Variants in FILIP1L observed in about 807,000 individuals in gnomAD.
FILIP1L encodes the protein filamin A interacting protein 1 like.
FILIP1L carries 55 observed loss-of-function variants against 96.6 expected under a neutral mutation model. The observed-to-expected ratio is 0.57, with a 90% confidence interval of 0.46 to 0.71. The LOEUF is 0.71. FILIP1L is among the 30% of genes least tolerant of loss of function. FILIP1L has a pLI of 0.00. For missense variants in FILIP1L, 1,304 were observed against 1,321.2 expected (o/e 0.99, Z 0.20); for synonymous variants, 467 against 473.9 (o/e 0.99, Z 0.19).
chr3:100,014,946 A>G (rs1477618492), intron 1 of FILIP1L, among the ~76,000 whole-genome samples: 3 of 86,306 alleles, frequency 3.5e-5, no homozygotes, highest in Admixed American at 3.6e-4. Context: ...TTTGGGGATC[A>G]TATCCAAAAA....
intron 1 of FILIP1L, among the ~76,000 whole-genome samples, chr3:99,983,562 T>A (rs1208851315): frequency 7.0e-6 from 1 of 142,354 alleles, no homozygotes; most frequent in Non-Finnish European, 1.5e-5. Flanking sequence ...TGGTGGCAGG[T>A]ACCTGTAATC....
intron 1 of FILIP1L, among the ~76,000 whole-genome samples, chr3:100,080,006 C>T (rs191958067): frequency 1.3e-5 from 2 of 152,132 alleles, no homozygotes; most frequent in African/African-American, 4.8e-5. Context: ...TCAAGCAACT[C>T]AGAATTCACC....
chr3:99,988,251 A>G (rs1238439216), intron 1 of FILIP1L, among the ~76,000 whole-genome samples: 1 of 150,770 alleles, frequency 6.6e-6, no homozygotes, highest in African/African-American at 2.4e-5. Flanking sequence ...TAATCCCAGC[A>G]CTTTGGGAGG....
intron 1 of FILIP1L, among the ~76,000 whole-genome samples, chr3:99,977,255 T>C (rs1708999697): frequency 1.3e-5 from 2 of 151,592 alleles, no homozygotes; most frequent in Non-Finnish European, 2.9e-5. Context: ...TGATGCCTCA[T>C]CCCAGGAGCA....
chr3:99,895,516 G>A (rs1706223003), intron 4 of FILIP1L, among the ~76,000 whole-genome samples: 2 of 152,040 alleles, frequency 1.3e-5, no homozygotes, highest in African/African-American at 4.8e-5. Flanking sequence ...AAGAGGCCAA[G>A]TTCCTGGTGG....
intron 4 of FILIP1L, among the ~76,000 whole-genome samples, chr3:99,865,368 C>A (rs968111477): frequency 3.9e-5 from 6 of 152,156 alleles, no homozygotes; most frequent in Admixed American, 1.3e-4. Context: ...TATTATATCT[C>A]ATGAGCCATC....
At chr3:100,000,337 A>G (rs1709806766) in intron 1 of FILIP1L, among the ~76,000 whole-genome samples, 1 of 152,104 alleles carries the variant, frequency 6.6e-6, no homozygotes, top group African/African-American at 2.4e-5. Context: ...TAACTTGTGT[A>G]TTTATTTGTT....
At chr3:99,865,787 T>C (rs959340157) in intron 4 of FILIP1L, among the ~76,000 whole-genome samples, 4 of 151,860 alleles carry the variant, frequency 2.6e-5, no homozygotes, top group Admixed American at 6.6e-5. Context: ...GAAATATGTG[T>C]GTATGTATTT....
chr3:99,923,208 C>G (rs575956775), intron 4 of FILIP1L, among the ~76,000 whole-genome samples: 1 of 152,250 alleles, frequency 6.6e-6, no homozygotes, highest in Admixed American at 6.5e-5. Flanking sequence ...CCAACACCCA[C>G]AGTTTCAGCT....
chr3:99,847,526 A>G (rs1028385985), intron 5 of FILIP1L, among the ~76,000 whole-genome samples: 2 of 152,128 alleles, frequency 1.3e-5, no homozygotes, highest in African/African-American at 4.8e-5. Flanking sequence ...GCTTCCTATC[A>G]CATGTCAGAG....
At chr3:100,032,453 G>A (rs2107264266) in intron 1 of FILIP1L, among the ~76,000 whole-genome samples, 1 of 152,302 alleles carries the variant, frequency 6.6e-6, no homozygotes, top group South Asian at 2.1e-4. Context: ...ATTCGGAATG[G>A]CAGCTGGTGG....
intron 1 of FILIP1L, among the ~76,000 whole-genome samples, chr3:100,006,209 C>T (rs557573450): frequency 4.3e-4 from 66 of 152,224 alleles, no homozygotes; most frequent in African/African-American, 1.5e-3. Flanking sequence ...ATTAAGATAA[C>T]CTCAGAAACT....
chr3:99,848,122 C>T, intron 5 of FILIP1L, 173 bp downstream of exon 5: 1 of 1,468,766 alleles, frequency 6.8e-7, no homozygotes, highest in South Asian at 1.5e-5. Flanking sequence ...ACTATGCAGG[C>T]AACAGTTAGT....
At chr3:99,869,952 GC>G (rs1410374088) in intron 4 of FILIP1L, among the ~76,000 whole-genome samples, 1 of 152,118 alleles carries the variant, frequency 6.6e-6, no homozygotes, top group African/African-American at 2.4e-5. Context: ...GCTCTCACAG[GC>G]CCAAGTGCTA....
chr3:99,864,871 T>C (rs1028718695), intron 4 of FILIP1L, among the ~76,000 whole-genome samples: 1 of 152,176 alleles, frequency 6.6e-6, no homozygotes, highest in African/African-American at 2.4e-5. Flanking sequence ...TCTCTCCTAC[T>C]AGAATGTAAA....
At chr3:100,049,118 A>G (rs2065327214) in intron 1 of FILIP1L, among the ~76,000 whole-genome samples, 2 of 152,254 alleles carry the variant, frequency 1.3e-5, no homozygotes, top group Non-Finnish European at 2.9e-5. Context: ...ACAATTGCAA[A>G]CAGTTCTCTT....
At chr3:100,055,471 T>A (rs1237071163) in intron 1 of FILIP1L, among the ~76,000 whole-genome samples, 1 of 152,234 alleles carries the variant, frequency 6.6e-6, no homozygotes, top group Non-Finnish European at 1.5e-5. Flanking sequence ...AAAACTGATT[T>A]GTCTCTCGTT....
At chr3:99,943,293 G>A (rs543830869) in intron 1 of FILIP1L, among the ~76,000 whole-genome samples, 6 of 152,286 alleles carry the variant, frequency 3.9e-5, no homozygotes, top group Admixed American at 1.3e-4. Context: ...TTTCCAAAAT[G>A]TGTCAGCCCT....
At chr3:99,981,387 A>G (rs1709118859) in intron 1 of FILIP1L, among the ~76,000 whole-genome samples, 1 of 152,106 alleles carries the variant, frequency 6.6e-6, no homozygotes, top group African/African-American at 2.4e-5. Context: ...TGTGGGATCC[A>G]TGTGTGTCAC....
Sources: gnomAD v4.1 joint callset for allele counts (sites outside exome capture counted in the v4.1 genomes callset) on GRCh38, gnomAD v4.1.1 for gene constraint, MANE v1.5 for transcripts, NCBI Gene and HGNC (gene_info 2026-07-23, HGNC 2026-07-21) for gene names.